Variants in SRP54 observed in about 807,000 individuals in gnomAD.
SRP54 encodes signal recognition particle subunit SRP54.
In SRP54, 10 loss-of-function variants were observed where a neutral mutation model predicts 64.8. That is an observed-to-expected ratio of 0.15 (90% CI 0.10 to 0.26). The LOEUF (loss-of-function observed/expected upper bound fraction) is 0.26. Among genes scored for constraint, SRP54 ranks in the 10% least tolerant of loss-of-function variants. SRP54 has a pLI of 1.00. For missense variants in SRP54, 325 were observed against 613.7 expected, an observed-to-expected ratio of 0.53 and a Z score of 4.97; for synonymous variants, 193 against 185.6, an observed-to-expected ratio of 1.04 and a Z score of -0.32.
At position 35,021,957 on chromosome 14, in the gene SRP54, C is replaced by CT. The variant is rs575364305; in HGVS notation, c.1157-952dup. ...AGCTAGAAGAAATGCACCTGATATT[C>CT]TAAGAGTGATCAAACAACTGCGGGA... On this transcript the variant is annotated intron_variant, in intron 13 of 15. Transcript: ENST00000216774. Among the ~76,000 whole-genome samples the CT allele has an allele frequency of 4.4e-3, 668 of 152,298 alleles. 3 individuals carry two copies. The highest frequency in any genetic ancestry group is 6.3e-3 in the Admixed American group (96 of 15,296).
intron 13 of SRP54, 23 bp from the exon 14 acceptor site, chr14:35,022,887 A>G (rs1375700781): frequency 6.4e-7 from 1 of 1,565,786 alleles, no homozygotes; most frequent in South Asian, 1.2e-5. Context: ...ATTGTGTGTG[A>G]GAGTAACTGA....
Position 35,029,140 on chromosome 14 carries a change from C to T in SRP54, c.1503C>T (p.Phe501=), listed in dbSNP as rs1266349225. ...GCAACATGAAAGGCATGATGGGATT[C>T]AATAATATGTAAAGAAAATGCCTTA... ...AAGNMKGMMG[F]NNM Residue 501 remains phenylalanine, a synonymous_variant, in exon 16 of 16, where the codon TTC becomes TTT. Transcript: ENST00000216774. 2 of 1,613,298 alleles carry T rather than the reference C, an allele frequency of 1.2e-6. No individual in the cohort carries two copies. Among genetic ancestry groups the T allele is most frequent in the Non-Finnish European group, 1.7e-6 (2 of 1,179,654 alleles).
chr14:35,025,092 G>T (rs1170081152), intron 14 of SRP54, among the ~76,000 whole-genome samples: 1 of 151,976 alleles, frequency 6.6e-6, no homozygotes, highest in African/African-American at 2.4e-5. Context: ...AATTTATTTT[G>T]CTGTGTATTA....
At chr14:35,026,653 G>A (rs1268044491) in intron 14 of SRP54, among the ~76,000 whole-genome samples, 3 of 152,172 alleles carry the variant, frequency 2.0e-5, no homozygotes, top group Non-Finnish European at 4.4e-5. Context: ...ATTACTTAAA[G>A]AAAACTTCTG....
At chr14:34,986,227 T>C (rs1002460568) in intron 1 of SRP54, among the ~76,000 whole-genome samples, 3 of 150,674 alleles carry the variant, frequency 2.0e-5, no homozygotes, top group Non-Finnish European at 4.4e-5. Context: ...AAACAATTAC[T>C]TTAATGAAGA....
chr14:35,020,184 C>G (rs931172003), intron 13 of SRP54, among the ~76,000 whole-genome samples: 2 of 119,868 alleles, frequency 1.7e-5, no homozygotes, highest in Admixed American at 8.2e-5. Flanking sequence ...GACTCTGTCT[C>G]AAAAGAAAAA....
At chr14:34,999,888 G>C in intron 3 of SRP54, 1 of 303,098 alleles carries the variant, frequency 3.3e-6, no homozygotes, top group Non-Finnish European at 6.2e-6. Context: ...TATTTTACTA[G>C]TCTTTTATTT....
At chr14:35,010,998 C>T (rs189612231) in intron 7 of SRP54, among the ~76,000 whole-genome samples, 1 of 152,230 alleles carries the variant, frequency 6.6e-6, no homozygotes, top group Admixed American at 6.5e-5. Context: ...TGATCATAAG[C>T]TCACTGCAGT....
At chr14:35,022,633 G>T (rs1239440928) in intron 13 of SRP54, among the ~76,000 whole-genome samples, 3 of 152,120 alleles carry the variant, frequency 2.0e-5, no homozygotes, top group Admixed American at 6.6e-5. Context: ...GTGATTACAG[G>T]CATGAGCCAC....
chr14:35,006,929 G>A (rs560026861), intron 4 of SRP54, among the ~76,000 whole-genome samples: 15 of 152,216 alleles, frequency 9.9e-5, no homozygotes, highest in East Asian at 1.9e-4. Context: ...AGTGGCTCAC[G>A]CCTGAAATCC....
chr14:35,015,608 A>G (rs1025708341), intron 11 of SRP54, among the ~76,000 whole-genome samples: 1 of 150,614 alleles, frequency 6.6e-6, no homozygotes, highest in African/African-American at 2.4e-5. Flanking sequence ...TAAAACGTAC[A>G]TAATACTAAC....
intron 1 of SRP54, among the ~76,000 whole-genome samples, chr14:34,987,529 A>G (rs2138958254): frequency 6.6e-6 from 1 of 152,146 alleles, no homozygotes; most frequent in Middle Eastern, 3.4e-3. Flanking sequence ...TTCATGTGGA[A>G]CCATAATATG....
At chr14:34,999,032 T>TTTTTTG (rs764235003) in intron 2 of SRP54, among the ~76,000 whole-genome samples, 1 of 93,522 alleles carries the variant, frequency 1.1e-5, no homozygotes, top group Non-Finnish European at 2.3e-5. Flanking sequence ...TTTTTTTTTT[T>TTTTTTG]GAGACAAAGT....
chr14:35,015,264 A>G (rs149678412), intron 11 of SRP54, among the ~76,000 whole-genome samples: 2,129 of 152,002 alleles, frequency 0.014, 55 homozygotes, highest in African/African-American at 0.049. Flanking sequence ...TTTAGTAGAG[A>G]TGGGTTTTGC....
At chr14:34,991,124 T>TGTTGTTG (rs1555352952) in intron 1 of SRP54, among the ~76,000 whole-genome samples, 2 of 102,328 alleles carry the variant, frequency 2.0e-5, no homozygotes, top group East Asian at 8.6e-4. Context: ...TTTTTTTTTT[T>TGTTGTTG]TTTTTGTTGT....
At chr14:34,996,958 C>A in intron 2 of SRP54, 171 bp downstream of exon 2, 1 of 411,182 alleles carries the variant, frequency 2.4e-6, no homozygotes, top group Non-Finnish European at 4.3e-6. Context: ...AAATTAACTA[C>A]AACTTCAAAT....
intron 7 of SRP54, 105 bp from the exon 8 acceptor site, chr14:35,011,404 G>T (rs1425482962): frequency 1.3e-6 from 1 of 791,382 alleles, no homozygotes; most frequent in Non-Finnish European, 1.8e-6. Context: ...TGAAATTGGG[G>T]TCATTTTGGC....
Position 35,011,531 on chromosome 14 carries a change from A to C in SRP54, c.508A>C (p.Ile170Leu). ...YGSYTEMDPV[I>L]IASEGVEKFK... ...TAGCTATACAGAAATGGATCCTGTC[A>C]TCATTGCTTCTGAAGGAGTAGAGAA... The change falls in exon 8 of 16, where the codon ATC becomes CTC. Residue 170 changes from isoleucine to leucine, a missense_variant. Ile to Leu is a conservative substitution (Grantham distance 5). Transcript: ENST00000216774. 6.4e-7 allele frequency: 1 copy of C among 1,556,102 alleles called. No homozygotes were observed. The highest frequency in any genetic ancestry group is 8.7e-7 in the Non-Finnish European group (1 of 1,145,458).
chr14:35,013,267 T>C (rs1032877318), intron 8 of SRP54, 79 bp from the exon 9 acceptor site: 2 of 1,385,512 alleles, frequency 1.4e-6, no homozygotes, highest in Admixed American at 4.1e-5. Flanking sequence ...AAATATTGTT[T>C]TATAGCTTCT....
Sources: gnomAD v4.1 joint callset for allele counts (sites outside exome capture counted in the v4.1 genomes callset) on GRCh38, gnomAD v4.1.1 for gene constraint, MANE v1.5 for transcripts, NCBI Gene and HGNC (gene_info 2026-07-23, HGNC 2026-07-21) for gene names.